Variants in DYM observed in about 807,000 individuals in gnomAD.
DYM encodes the protein dymeclin.
DYM carries 78 observed loss-of-function variants against 93.1 expected under a neutral mutation model. The ratio of observed to expected loss-of-function variants is 0.84; its 90% CI spans 0.70 to 1.01. DYM has a LOEUF of 1.01. Ranked by LOEUF, DYM falls within the 50% of genes least tolerant of loss-of-function variation. The probability of loss-of-function intolerance (pLI) is 0.00; values close to 1 mark genes in which losing one functional copy is unlikely to be tolerated. For synonymous variants in DYM, 321 were observed against 319.7 expected, an observed-to-expected ratio of 1.00 and a Z score of -0.04; for missense variants, 789 against 845.0, an observed-to-expected ratio of 0.93 and a Z score of 0.82.
chr18:49,051,492 T>C (rs1044422857), intron 17 of DYM, among the ~76,000 whole-genome samples: 2 of 152,240 alleles, frequency 1.3e-5, no homozygotes, highest in African/African-American at 4.8e-5. Context: ...GTGTATTCCC[T>C]GCCATGCCTC....
At chr18:49,400,915 T>A (rs529213647) in intron 2 of DYM, among the ~76,000 whole-genome samples, 1 of 152,288 alleles carries the variant, frequency 6.6e-6, no homozygotes, top group East Asian at 1.9e-4. Context: ...AGCTCAGATG[T>A]GCTGGCAGCA....
At chr18:49,281,781 C>T (rs1272752845) in intron 10 of DYM, among the ~76,000 whole-genome samples, 3 of 152,068 alleles carry the variant, frequency 2.0e-5, no homozygotes, top group Non-Finnish European at 4.4e-5. Flanking sequence ...GGAAGGGGAA[C>T]ATCACACACT....
rs147632838 is a variant in DYM, at chr18:49,187,363, C to T, written c.1625+22188G>A. ...CTCTGTGCTCATTTGTTCACATTGA[C>T]AGTAAGGACAGTAATAAATAAACAA... On this transcript the variant is annotated intron_variant, in intron 14 of 17. Coordinates refer to ENST00000675505, the MANE Select transcript of DYM (RefSeq NM_001353214.3). 2.2e-3 allele frequency among the ~76,000 whole-genome samples: 338 copies of T among 152,260 alleles called. 3 individuals carry two copies. Among genetic ancestry groups the T allele is most frequent in the Non-Finnish European group, 3.7e-3 (253 of 68,024 alleles).
At chr18:49,317,252 A>T (rs1221677561) in intron 8 of DYM, among the ~76,000 whole-genome samples, 4 of 152,244 alleles carry the variant, frequency 2.6e-5, no homozygotes, top group Non-Finnish European at 5.9e-5. Flanking sequence ...AATGTAAAGA[A>T]TTAAAAGGAT....
intron 17 of DYM, among the ~76,000 whole-genome samples, chr18:49,094,675 T>C (rs2079383400): frequency 6.6e-6 from 1 of 152,270 alleles, no homozygotes; most frequent in African/African-American, 2.4e-5. Context: ...GAAGGCTATG[T>C]CAAATAATAT....
chr18:49,235,747 C>A, intron 13 of DYM, among the ~76,000 whole-genome samples: 1 of 145,372 alleles, frequency 6.9e-6, no homozygotes, highest in South Asian at 2.3e-4. Context: ...AGTAAAATTT[C>A]CAGTAAGTAC....
chr18:49,152,491 T>A (rs2085934430), intron 15 of DYM, among the ~76,000 whole-genome samples: 1 of 152,152 alleles, frequency 6.6e-6, no homozygotes, highest in African/African-American at 2.4e-5. Context: ...TCAGGGGGGA[T>A]GAGGAGTTTG....
intron 11 of DYM, among the ~76,000 whole-genome samples, chr18:49,260,536 GGAAAA>G (rs1342911757): frequency 6.6e-6 from 1 of 151,976 alleles, no homozygotes; most frequent in Non-Finnish European, 1.5e-5. Flanking sequence ...TTCTTTGAGA[GGAAAA>G]GAAAAACATT....
rs920707722 is a variant in DYM at position 49,044,273 on chromosome 18, C to A, written c.2026-69G>T. 28 of 1,587,960 alleles carry A rather than the reference C, an allele frequency of 1.8e-5. No homozygotes were observed. In the African/African-American group the frequency reaches 2.6e-4, roughly 14 times the overall value. On this transcript the variant is annotated intron_variant, in intron 17 of 17. Coordinates refer to ENST00000675505, the MANE Select transcript of DYM (RefSeq NM_001353214.3). ...CACAAGCAAAAGTGGTGAGAGTTTG[C>A]AGGTGGTGCTGTGGTGTGCGGGGAG...
At chr18:49,368,834 G>A (rs944647408) in intron 5 of DYM, 2 of 152,206 alleles carry the variant, frequency 1.3e-5, no homozygotes, top group East Asian at 3.8e-4. Flanking sequence ...AGAATGGAAA[G>A]GAAACTGCTT....
At chr18:49,457,829 A>G (rs1404620583) in intron 1 of DYM, among the ~76,000 whole-genome samples, 2 of 152,246 alleles carry the variant, frequency 1.3e-5, no homozygotes, top group East Asian at 1.9e-4. Flanking sequence ...CCTTAAAAGC[A>G]GAGAACCTTT....
chr18:49,038,292 T>C lies in DYM; in HGVS notation c.*5763A>G, dbSNP rs1033837063. On this transcript the variant is annotated 3_prime_UTR_variant, in exon 18 of 18. Coordinates refer to ENST00000675505, the MANE Select transcript of DYM (RefSeq NM_001353214.3). ...CTAGTTTTTCTACCAATTAACAAAA[T>C]AGGCATGTTAAAATATCACTCTGGT... Among the ~76,000 whole-genome samples, 1 of 152,248 alleles carries C rather than the reference T, an allele frequency of 6.6e-6. No homozygotes were observed. Among genetic ancestry groups the C allele is most frequent in the Non-Finnish European group, 1.5e-5 (1 of 68,034 alleles).
chr18:49,330,985 G>A (rs1489522185), intron 8 of DYM, among the ~76,000 whole-genome samples: 1 of 152,332 alleles, frequency 6.6e-6, no homozygotes, highest in African/African-American at 2.4e-5. Context: ...AGAGGTCTCT[G>A]AATCCAAAGA....
intron 15 of DYM, among the ~76,000 whole-genome samples, chr18:49,150,091 G>T (rs1010210709): frequency 6.6e-6 from 1 of 152,090 alleles, no homozygotes. Context: ...AACTTATAGC[G>T]CATTCATAAT....
At chr18:49,347,423 A>G (rs1451026218) in intron 6 of DYM, among the ~76,000 whole-genome samples, 6 of 152,224 alleles carry the variant, frequency 3.9e-5, no homozygotes, top group Non-Finnish European at 1.5e-5. Flanking sequence ...ATTCATTAAA[A>G]TATAACATAT....
intron 17 of DYM, among the ~76,000 whole-genome samples, chr18:49,091,507 G>C (rs1002588096): frequency 6.6e-6 from 1 of 152,120 alleles, no homozygotes; most frequent in Non-Finnish European, 1.5e-5. Context: ...TCTACGAGTG[G>C]AGAGGGCTGG....
At chr18:49,202,050 A>C (rs1286715671) in intron 14 of DYM, among the ~76,000 whole-genome samples, 1 of 152,080 alleles carries the variant, frequency 6.6e-6, no homozygotes, top group South Asian at 2.1e-4. Context: ...TTCCCTTCTT[A>C]CCCAACAGCA....
chr18:49,105,633 A>G (rs2080715692), intron 16 of DYM, among the ~76,000 whole-genome samples: 1 of 152,236 alleles, frequency 6.6e-6, no homozygotes, highest in African/African-American at 2.4e-5. Context: ...GTTTCAAAGA[A>G]TATCTTTATT....
chr18:49,421,541 G>A (rs1048271121), intron 2 of DYM, among the ~76,000 whole-genome samples: 1 of 152,186 alleles, frequency 6.6e-6, no homozygotes, highest in Admixed American at 6.5e-5. Flanking sequence ...CCACAAAGAT[G>A]GGAAGAAACC....
Sources: allele counts gnomAD v4.1 joint callset (sites outside exome capture counted in the v4.1 genomes callset), GRCh38; gene constraint gnomAD v4.1.1; transcripts MANE v1.5; gene names NCBI Gene and HGNC (gene_info 2026-07-23, HGNC 2026-07-21).